CENPP: variants seen among roughly 807,000 people sequenced by gnomAD.
The protein encoded by CENPP is centromere protein P.
Under a neutral mutation model 35.6 loss-of-function variants are expected in CENPP, and 24 were observed. The observed-to-expected ratio is 0.67, with a 90% CI of 0.49 to 0.95. The LOEUF (loss-of-function observed/expected upper bound fraction) is 0.95. CENPP is among the 40% of genes least tolerant of loss of function. The probability of loss-of-function intolerance (pLI) is 0.00; values close to 1 mark genes in which losing one functional copy is unlikely to be tolerated. For missense variants in CENPP, 332 were observed against 345.3 expected (o/e 0.96, Z 0.31); for synonymous variants, 120 against 125.5 (o/e 0.96, Z 0.29).
intron 1 of CENPP, among the ~76,000 whole-genome samples, chr9:92,328,144 A>G (rs1840628049): frequency 6.6e-6 from 1 of 152,080 alleles, no homozygotes; most frequent in Non-Finnish European, 1.5e-5. Flanking sequence ...TTTAGTTCTT[A>G]GTAGATTATT....
chr9:92,382,311 G>A (rs1842269643), intron 5 of CENPP, among the ~76,000 whole-genome samples: 1 of 151,958 alleles, frequency 6.6e-6, no homozygotes, highest in South Asian at 2.1e-4. Context: ...ATAATGTATA[G>A]TGATCAGATC....
At chr9:92,504,983 G>A (rs1332589191) in intron 5 of CENPP, among the ~76,000 whole-genome samples, 1 of 152,204 alleles carries the variant, frequency 6.6e-6, no homozygotes, top group Non-Finnish European at 1.5e-5. Context: ...CTGGGGTTTG[G>A]GGCCTGGAGT....
chr9:92,446,131 A>G (rs1005125533), intron 5 of CENPP, among the ~76,000 whole-genome samples: 4 of 152,200 alleles, frequency 2.6e-5, no homozygotes, highest in Non-Finnish European at 1.5e-5. Flanking sequence ...GACTTTATAC[A>G]AATGATTGTG....
At chr9:92,557,328 C>T (rs1396507571) in intron 5 of CENPP, among the ~76,000 whole-genome samples, 1 of 152,170 alleles carries the variant, frequency 6.6e-6, no homozygotes, top group Non-Finnish European at 1.5e-5. Flanking sequence ...ATGAATTTCC[C>T]AGGTGTTCTT....
intron 5 of CENPP, chr9:92,404,693 A>G: frequency 5.7e-6 from 7 of 1,238,454 alleles, no homozygotes; most frequent in Non-Finnish European, 7.3e-6. Flanking sequence ...CTAGGGTGAA[A>G]TGCAGTGTGT....
chr9:92,581,408 C>T (rs73522393), intron 5 of CENPP, among the ~76,000 whole-genome samples: 8 of 152,032 alleles, frequency 5.3e-5, no homozygotes, highest in Non-Finnish European at 1.2e-4. Flanking sequence ...AAGAAACTCA[C>T]ACCTAAATAT....
chr9:92,587,718 C>T (rs1260107934), intron 5 of CENPP, among the ~76,000 whole-genome samples: 1 of 152,150 alleles, frequency 6.6e-6, no homozygotes, highest in Non-Finnish European at 1.5e-5. Context: ...TTGGGATTAA[C>T]TACTTAGTGG....
intron 5 of CENPP, among the ~76,000 whole-genome samples, chr9:92,470,373 T>A (rs1384371189): frequency 6.6e-6 from 1 of 152,234 alleles, no homozygotes; most frequent in African/African-American, 2.4e-5. Context: ...TTCTTGTTCA[T>A]TTTAATGTAT....
At chr9:92,463,775 G>C (rs1011531460) in intron 5 of CENPP, among the ~76,000 whole-genome samples, 2 of 152,178 alleles carry the variant, frequency 1.3e-5, no homozygotes, top group African/African-American at 4.8e-5. Context: ...GTTTCTTGTA[G>C]AAAAACATCC....
At chr9:92,606,976 T>C (rs942215186) in intron 5 of CENPP, among the ~76,000 whole-genome samples, 1 of 151,840 alleles carries the variant, frequency 6.6e-6, no homozygotes, top group African/African-American at 2.4e-5. Flanking sequence ...ATAATAACAA[T>C]AATAATAATA....
chr9:92,393,907 C>T (rs1372263021), intron 5 of CENPP, among the ~76,000 whole-genome samples: 1 of 152,094 alleles, frequency 6.6e-6, no homozygotes, highest in African/African-American at 2.4e-5. Flanking sequence ...TGTCCAAAAG[C>T]ACATGATATC....
chr9:92,449,860 C>T (rs1211270913), intron 5 of CENPP, among the ~76,000 whole-genome samples: 1 of 152,146 alleles, frequency 6.6e-6, no homozygotes, highest in East Asian at 1.9e-4. Context: ...TCCTATACAG[C>T]CTGCAGAACT....
intron 5 of CENPP, chr9:92,505,541 A>C (rs1273892892): frequency 1.3e-6 from 2 of 1,596,804 alleles, no homozygotes; most frequent in African/African-American, 2.7e-5. Flanking sequence ...ACCTCAATAG[A>C]ACCAGGAAGA....
intron 5 of CENPP, among the ~76,000 whole-genome samples, chr9:92,443,527 A>T (rs138505679): frequency 1.4e-4 from 21 of 152,222 alleles, no homozygotes; most frequent in Non-Finnish European, 2.8e-4. Context: ...TGCAATCTCA[A>T]TAATAATCTC....
At chr9:92,532,015 G>GTTTTTTTTTTTGTTT (rs1848801440) in intron 5 of CENPP, among the ~76,000 whole-genome samples, 12 of 95,726 alleles carry the variant, frequency 1.3e-4, no homozygotes, top group African/African-American at 6.5e-4. Context: ...TTTATTTAAT[G>GTTTTTTTTTTTGTTT]TTTTTTTTTT....
chr9:92,457,184 A>C, intron 5 of CENPP: 1 of 1,453,216 alleles, frequency 6.9e-7, no homozygotes, highest in South Asian at 1.5e-5. Context: ...GAGAATAGAT[A>C]TTTGCTTGTA....
At chr9:92,547,988 CTG>C (rs1395785082) in intron 5 of CENPP, among the ~76,000 whole-genome samples, 1 of 152,146 alleles carries the variant, frequency 6.6e-6, no homozygotes, top group Admixed American at 6.5e-5. Flanking sequence ...GAAGGAAAAA[CTG>C]TTACTATTCC....
Position 92,612,586 on chromosome 9 carries a change from G to T in CENPP, c.708G>T (p.Leu236=). ...IDEDGKVFPK[L]DLLTKVPQRA... ...AAGATGGGAAGGTTTTTCCAAAGCT[G>T]GATCTTCTCACCAAAGTCCCACAGC... Residue 236 remains leucine, a synonymous_variant, in exon 7 of 8, where the codon CTG becomes CTT. Transcript: ENST00000375587. The T allele has an allele frequency of 6.2e-7, 1 of 1,614,102 alleles. No individual in the cohort carries two copies. Among genetic ancestry groups the T allele is most frequent in the Non-Finnish European group, 8.5e-7 (1 of 1,179,980 alleles).
chr9:92,406,185 T>A (rs1457884183), intron 5 of CENPP, among the ~76,000 whole-genome samples: 2 of 152,086 alleles, frequency 1.3e-5, no homozygotes, highest in South Asian at 4.2e-4. Flanking sequence ...AGGGAGGGGA[T>A]GGGGGTAGAT....
Sources: gnomAD v4.1 joint callset for allele counts (sites outside exome capture counted in the v4.1 genomes callset) on GRCh38, gnomAD v4.1.1 for gene constraint, MANE v1.5 for transcripts, NCBI Gene and HGNC (gene_info 2026-07-23, HGNC 2026-07-21) for gene names.